TXNRD3: variants seen among roughly 807,000 people sequenced by gnomAD.
TXNRD3 encodes thioredoxin reductase 3.
In TXNRD3, 68 loss-of-function variants were observed where a neutral mutation model predicts 78.2. The ratio of observed to expected loss-of-function variants is 0.87; its 90% CI spans 0.72 to 1.06. The LOEUF is 1.06. TXNRD3 is among the 50% of genes least tolerant of loss of function. The pLI is 0.00. For synonymous variants in TXNRD3, 296 were observed against 300.1 expected (o/e 0.99, Z 0.14); for missense variants, 751 against 809.5 (o/e 0.93, Z 0.88).
In TXNRD3 at chr3:126,620,792, A is replaced by G. The variant is rs1411942823; in HGVS notation, c.1524+950T>C. ...AAATTAGTTTTCCAGCCTCCTTCCC[A>G]ATTGTACTTCCCTATCACCAACTAC... On this transcript the variant is annotated intron_variant, in intron 12 of 15. Transcript: ENST00000524230. Among the ~76,000 whole-genome samples, 2 of 152,178 alleles carry G rather than the reference A, an allele frequency of 1.3e-5. 1 individual carries two copies. Among genetic ancestry groups the G allele is most frequent in the South Asian group, 4.1e-4 (2 of 4,828 alleles).
chr3:126,632,860 C>T (rs751244219), intron 7 of TXNRD3, among the ~76,000 whole-genome samples: 4 of 152,008 alleles, frequency 2.6e-5, no homozygotes, highest in Admixed American at 1.3e-4. Flanking sequence ...TGGGGTGAAA[C>T]GGAGACTCTG....
rs1422482369 is a variant in TXNRD3, at chr3:126,621,755, G to A, written c.1511C>T (p.Ala504Val). Residue 504 changes from alanine (A) to valine (V), a missense_variant, in exon 12 of 16, where the codon GCC becomes GTC. Physicochemically the swap from Ala to Val is moderately conservative, Grantham distance 64. Coordinates refer to ENST00000524230, the MANE Select transcript of TXNRD3 (RefSeq NM_052883.3). ...TAAGAAACTTACCTTTTCTAAAGAG[G>A]CCCCAAAAAGTCTCTGAGCTAGCAG... 1.3e-6 allele frequency: 2 copies of A among 1,510,942 alleles called. No homozygotes were observed. Among genetic ancestry groups the A allele is most frequent in the Admixed American group, 2.3e-5 (1 of 43,084 alleles). The allele number at this position is 1,510,942 out of a possible 1,614,324, so 93.6% of individuals were successfully genotyped here.
At chr3:126,611,910 T>C (rs1454735414) in intron 13 of TXNRD3, among the ~76,000 whole-genome samples, 2 of 152,232 alleles carry the variant, frequency 1.3e-5, no homozygotes, top group South Asian at 2.1e-4. Flanking sequence ...CTGGTGCATG[T>C]AGAGTTAAAA....
intron 12 of TXNRD3, among the ~76,000 whole-genome samples, 157 bp downstream of exon 12, chr3:126,621,585 T>C (rs1938457824): frequency 6.6e-6 from 1 of 152,214 alleles, no homozygotes; most frequent in South Asian, 2.1e-4. Context: ...CACTCAAAAA[T>C]ACTTATTTTA....
chr3:126,644,107 C>T (rs1933163288), intron 4 of TXNRD3, 54 bp from the exon 5 acceptor site: 1 of 1,509,816 alleles, frequency 6.6e-7, no homozygotes, highest in Admixed American at 2.0e-5. Context: ...ACTTTCCTGA[C>T]ACTCCCTCAA....
At chr3:126,611,224 C>T (rs1406569230) in intron 13 of TXNRD3, 92 bp from the exon 14 acceptor site, 4 of 750,286 alleles carry the variant, frequency 5.3e-6, no homozygotes, top group South Asian at 7.7e-5. Flanking sequence ...CAATAATCTC[C>T]ATAGCAGCTT....
At chr3:126,629,328 T>C in intron 10 of TXNRD3, 51 bp downstream of exon 10, 1 of 1,236,766 alleles carries the variant, frequency 8.1e-7, no homozygotes, top group Non-Finnish European at 1.1e-6. Context: ...TTCATTTCTG[T>C]TAATTTAGGA....
chr3:126,630,583 G>C (rs1341228197), intron 9 of TXNRD3, 129 bp downstream of exon 9: 1 of 1,016,498 alleles, frequency 9.8e-7, no homozygotes, highest in Non-Finnish European at 1.4e-6. Flanking sequence ...GGTTGGCTCT[G>C]TAGACTTGGG....
At chr3:126,616,286 C>T (rs982098335) in intron 12 of TXNRD3, among the ~76,000 whole-genome samples, 4 of 152,126 alleles carry the variant, frequency 2.6e-5, no homozygotes, top group Admixed American at 6.5e-5. Flanking sequence ...GCCTGCTCAG[C>T]CACAGCCCCT....
intron 13 of TXNRD3, 61 bp downstream of exon 13, chr3:126,615,294 G>T: frequency 8.1e-6 from 6 of 742,586 alleles, no homozygotes; most frequent in Non-Finnish European, 1.0e-5. Flanking sequence ...AAAAGTGACC[G>T]CAAAGATAAA....
intron 6 of TXNRD3, among the ~76,000 whole-genome samples, chr3:126,635,265 A>G (rs1380306733): frequency 6.6e-6 from 1 of 152,226 alleles, no homozygotes; most frequent in Non-Finnish European, 1.5e-5. Context: ...TGCAAAAGGC[A>G]TCTTAGATTA....
At chr3:126,626,806 G>A (rs1938589330) in intron 10 of TXNRD3, among the ~76,000 whole-genome samples, 2 of 152,142 alleles carry the variant, frequency 1.3e-5, no homozygotes, top group South Asian at 4.2e-4. Flanking sequence ...TAAAATATAT[G>A]TTGGCTGGGA....
chr3:126,641,597 C>T (rs1386248491), intron 6 of TXNRD3, among the ~76,000 whole-genome samples: 1 of 152,194 alleles, frequency 6.6e-6, no homozygotes, highest in Non-Finnish European at 1.5e-5. Context: ...CTCTGTCTTC[C>T]TCACATCTGT....
intron 1 of TXNRD3, 28 bp from the exon 2 acceptor site, chr3:126,647,324 C>G (rs1210959390): frequency 6.7e-7 from 1 of 1,482,656 alleles, no homozygotes; most frequent in Admixed American, 2.0e-5. Context: ...CTAAGTTTCA[C>G]TCTCAGAAAA....
chr3:126,622,653 A>G, intron 10 of TXNRD3, 113 bp from the exon 11 acceptor site: 2 of 748,574 alleles, frequency 2.7e-6, no homozygotes, highest in South Asian at 2.0e-5. Context: ...ATTACAAACA[A>G]TCTATGCCAA....
intron 10 of TXNRD3, among the ~76,000 whole-genome samples, chr3:126,627,751 TA>T (rs1181199139): frequency 6.6e-6 from 1 of 152,180 alleles, no homozygotes; most frequent in Non-Finnish European, 1.5e-5. Context: ...TAGAAAATTA[TA>T]GGTATAGACA....
chr3:126,652,675 G>A (rs938189214), intron 1 of TXNRD3, among the ~76,000 whole-genome samples: 1 of 152,164 alleles, frequency 6.6e-6, no homozygotes, highest in Non-Finnish European at 1.5e-5. Flanking sequence ...GTCACAGAGA[G>A]TGTGGGTGTG....
intron 10 of TXNRD3, among the ~76,000 whole-genome samples, chr3:126,628,801 T>C (rs1188562773): frequency 6.6e-6 from 1 of 152,132 alleles, no homozygotes; most frequent in Non-Finnish European, 1.5e-5. Context: ...AGGTTGATTT[T>C]TGGATTTTGG....
At chr3:126,618,136 A>T (rs1203335564) in intron 12 of TXNRD3, among the ~76,000 whole-genome samples, 1 of 152,194 alleles carries the variant, frequency 6.6e-6, no homozygotes, top group African/African-American at 2.4e-5. Context: ...TGTTAAAATG[A>T]CCACACTACT....
Sources: allele counts gnomAD v4.1 joint callset (sites outside exome capture counted in the v4.1 genomes callset), GRCh38; gene constraint gnomAD v4.1.1; transcripts MANE v1.5; gene names NCBI Gene and HGNC (gene_info 2026-07-23, HGNC 2026-07-21).